Variants in EFR3B observed in about 807,000 individuals in gnomAD.
The protein encoded by EFR3B is protein EFR3 homolog B.
Under a neutral mutation model 104.7 loss-of-function variants are expected in EFR3B, and 64 were observed. That is an observed-to-expected ratio of 0.61 (90% CI 0.50 to 0.75). The LOEUF (loss-of-function observed/expected upper bound fraction) is 0.75, where lower values mean the gene tolerates loss of function less well. Among genes scored for constraint, EFR3B ranks in the 30% least tolerant of loss-of-function variants. The pLI, the probability that EFR3B is intolerant of heterozygous loss-of-function variation, is 0.00. For synonymous variants in EFR3B, 385 were observed against 417.9 expected, an observed-to-expected ratio of 0.92 and a Z score of 0.96; for missense variants, 750 against 1,078.5, an observed-to-expected ratio of 0.70 and a Z score of 4.27.
Position 25,136,421 on chromosome 2 carries a change from TTTG to T in EFR3B, c.1485-100_1485-98del. The T allele has an allele frequency of 1.9e-5, 18 of 936,496 alleles. No homozygotes were observed. The highest frequency in any genetic ancestry group is 2.8e-5 in the Non-Finnish European group (17 of 611,886). 58.0% of individuals were successfully genotyped at this position (936,496 alleles called of 1,614,324 possible). ...CCAGGGCCAGGGGAGCACTGGAGGC[TTTG>T]TACCAACTAACAATGTTGGGGATAA... On this transcript the variant is annotated intron_variant, in intron 13 of 22. Coordinates refer to ENST00000403714, the MANE Select transcript of EFR3B (RefSeq NM_014971.2). This position sits in a 1 kb window ranked among gnomAD's most constrained non-coding sequence, Gnocchi z 4.0.
rs1415085985 is a variant in EFR3B, at chr2:25,042,167, C to T, written c.-146C>T. 10 of 787,446 alleles carry T rather than the reference C, an allele frequency of 1.3e-5. No individual in the cohort carries two copies. The highest frequency in any genetic ancestry group is 1.7e-5 in the Non-Finnish European group (10 of 593,704). 48.8% of individuals were successfully genotyped at this position (787,446 alleles called of 1,614,324 possible). On this transcript the variant is annotated 5_prime_UTR_variant, in exon 1 of 23. Coordinates refer to ENST00000403714, the MANE Select transcript of EFR3B (RefSeq NM_014971.2). This position sits in a 1 kb window ranked among gnomAD's most constrained non-coding sequence, Gnocchi z 5.4. Reference sequence around the variant, plus strand: ...CGGCTCCGTCCTGCCCGCGGCCGGCCCCCGCGTCTGCTCCCTCCCCGCCCG... The same window carrying T: ...CGGCTCCGTCCTGCCCGCGGCCGGCTCCCGCGTCTGCTCCCTCCCCGCCCG...
intron 1 of EFR3B, chr2:25,057,918 A>AATAGGTT (rs1299485380): frequency 1.3e-5 from 2 of 152,206 alleles, no homozygotes; most frequent in Non-Finnish European, 2.9e-5. Context: ...TATCCTGGAT[A>AATAGGTT]ATAGGTTAAC....
At chr2:25,093,188 C>T in intron 3 of EFR3B, 58 bp downstream of exon 3, 1 of 1,527,544 alleles carries the variant, frequency 6.5e-7, no homozygotes, top group East Asian at 2.5e-5. Context: ...TTAGGCTAAA[C>T]ATAGGGTCCT....
intron 19 of EFR3B, chr2:25,147,929 G>A (rs1359198892): frequency 6.7e-6 from 1 of 149,978 alleles, no homozygotes; most frequent in African/African-American, 2.5e-5. Context: ...GCTGAGGCAG[G>A]AGAATCACTG....
Position 25,075,206 on chromosome 2 carries a change from G to A in EFR3B, c.8-16119G>A, listed in dbSNP as rs527888382. ...TCCCCACCTGGCATATTTATTCTCA[G>A]TTCAAATCTCCTGCAGCTCTGAAGT... On this transcript the variant is annotated intron_variant, in intron 1 of 22. Coordinates refer to ENST00000403714, the MANE Select transcript of EFR3B (RefSeq NM_014971.2). 3.3e-5 allele frequency among the ~76,000 whole-genome samples: 5 copies of A among 152,226 alleles called. No homozygotes were observed. The South Asian group carries it at 1.0e-3, about 32-fold the overall frequency.
chr2:25,133,027 T>C lies in EFR3B; in HGVS notation c.1259+13T>C. On this transcript the variant is annotated intron_variant, in intron 11 of 22. Transcript: ENST00000403714. ...CAGGCAGGACGGGGTGAGCCACCAA[T>C]CTCCCCCAGCCTGGAGTCCTCCTCT... 1 of 1,548,716 alleles carries C rather than the reference T, an allele frequency of 6.5e-7. No individual in the cohort carries two copies. The highest frequency in any genetic ancestry group is 2.4e-5 in the East Asian group (1 of 40,862).
chr2:25,121,402 T>C (rs1670010686), intron 4 of EFR3B, among the ~76,000 whole-genome samples: 1 of 152,200 alleles, frequency 6.6e-6, no homozygotes, highest in African/African-American at 2.4e-5. Flanking sequence ...GGTGCTTCTG[T>C]GAGCCCTTTC....
At chr2:25,091,666 G>A (rs1669127701) in intron 2 of EFR3B, among the ~76,000 whole-genome samples, 1 of 152,232 alleles carries the variant, frequency 6.6e-6, no homozygotes, top group Non-Finnish European at 1.5e-5. Flanking sequence ...GGCCATCACT[G>A]TCCAACCGAG....
In EFR3B at chr2:25,137,289, C is replaced by T; in HGVS notation, c.1561-52C>T. 6.5e-7 allele frequency: 1 copy of T among 1,542,876 alleles called. No individual in the cohort carries two copies. The highest frequency in any genetic ancestry group is 8.8e-7 in the Non-Finnish European group (1 of 1,141,144). On this transcript the variant is annotated intron_variant, in intron 14 of 22. Coordinates refer to ENST00000403714, the MANE Select transcript of EFR3B (RefSeq NM_014971.2). The surrounding 1 kb of genome is among the most constrained non-coding windows in gnomAD (Gnocchi z 4.7). ...GGTCTTCCTCCGTGTTCTCCTTGCC[C>T]CTCCTGTCCCCATCCCTCCGACCCT...
At chr2:25,084,542 C>T (rs1052659390) in intron 1 of EFR3B, among the ~76,000 whole-genome samples, 81 of 152,208 alleles carry the variant, frequency 5.3e-4, no homozygotes, top group African/African-American at 1.8e-3. Flanking sequence ...ACCGGCCAGT[C>T]TCAGTTAATT....
At chr2:25,093,247 C>T (rs946161881) in intron 3 of EFR3B, 117 bp downstream of exon 3, 37 of 1,353,534 alleles carry the variant, frequency 2.7e-5, no homozygotes, top group African/African-American at 1.6e-4. Flanking sequence ...GTAATCCCAG[C>T]GCTTTGGGAG....
At chr2:25,093,727 T>A (rs1364130494) in intron 3 of EFR3B, among the ~76,000 whole-genome samples, 1 of 152,070 alleles carries the variant, frequency 6.6e-6, no homozygotes, top group African/African-American at 2.4e-5. Context: ...TTAAAAAAAA[T>A]TAAGGTTTGA....
chr2:25,042,800 C>G lies in EFR3B; in HGVS notation c.7+481C>G. 1 of 617,212 alleles carries G rather than the reference C, an allele frequency of 1.6e-6. No individual in the cohort carries two copies. The highest frequency in any genetic ancestry group is 2.0e-5 in the African/African-American group (1 of 50,276). 38.2% of individuals were successfully genotyped at this position (617,212 alleles called of 1,614,324 possible). ...AGAGGCCCGGGGAGCAGCCAGTGGC[C>G]GAGTCTCGTCTCGCCCGCCTGAATG... is the stretch of plus-strand genomic sequence containing the variant. On this transcript the variant is annotated intron_variant, in intron 1 of 22. Coordinates refer to ENST00000403714, the MANE Select transcript of EFR3B (RefSeq NM_014971.2). The surrounding 1 kb of genome is among the most constrained non-coding windows in gnomAD (Gnocchi z 5.4).
At chr2:25,129,566 C>T (rs1558613731) in intron 6 of EFR3B, among the ~76,000 whole-genome samples, 1 of 151,838 alleles carries the variant, frequency 6.6e-6, no homozygotes, top group Non-Finnish European at 1.5e-5. Flanking sequence ...CCTCTCTTTC[C>T]TCTCCTTTCT....
At chr2:25,076,108 G>A (rs1351945927) in intron 1 of EFR3B, among the ~76,000 whole-genome samples, 1 of 152,068 alleles carries the variant, frequency 6.6e-6, no homozygotes, top group Non-Finnish European at 1.5e-5. Context: ...GCCCTGGCTG[G>A]TCTCAAACTC....
chr2:25,145,157 C>T (rs777793814), intron 19 of EFR3B, 106 bp downstream of exon 19: 2 of 1,013,550 alleles, frequency 2.0e-6, no homozygotes, highest in Non-Finnish European at 3.0e-6. Flanking sequence ...GCATGGAAAG[C>T]AAGTTTCTCG....
chr2:25,087,746 T>C (rs1419381852), intron 1 of EFR3B, among the ~76,000 whole-genome samples: 6 of 152,228 alleles, frequency 3.9e-5, no homozygotes, highest in Non-Finnish European at 8.8e-5. Context: ...GTGCCAGGAT[T>C]ACAGGCTTGA....
At chr2:25,142,113 G>A (rs1323261770) in intron 17 of EFR3B, among the ~76,000 whole-genome samples, 1 of 152,098 alleles carries the variant, frequency 6.6e-6, no homozygotes, top group African/African-American at 2.4e-5. Context: ...ACCATGGGCC[G>A]CAAAGCAAGA....
intron 1 of EFR3B, among the ~76,000 whole-genome samples, chr2:25,072,752 G>A (rs1475807639): frequency 1.3e-5 from 2 of 152,112 alleles, no homozygotes; most frequent in Non-Finnish European, 2.9e-5. Context: ...GCTGCAGAAT[G>A]CCACGGAGCT....
Sources: gnomAD v4.1 joint callset for allele counts (sites outside exome capture counted in the v4.1 genomes callset) on GRCh38, gnomAD v4.1.1 for gene constraint, Gnocchi (gnomAD v3.1) non-coding constraint, MANE v1.5 for transcripts, NCBI Gene and HGNC (gene_info 2026-07-23, HGNC 2026-07-21) for gene names.